Variants in PARVB observed in about 807,000 individuals in gnomAD.
PARVB encodes the protein parvin beta, also known as beta-parvin.
PARVB carries 46 observed loss-of-function variants against 47.0 expected under a neutral mutation model. That is an observed-to-expected ratio of 0.98 (90% CI 0.77 to 1.25). The LOEUF (loss-of-function observed/expected upper bound fraction) is 1.25, where lower values mean the gene tolerates loss of function less well. PARVB is among the 50% of genes most tolerant of loss of function. The probability of loss-of-function intolerance (pLI) is 0.00; values close to 1 mark genes in which losing one functional copy is unlikely to be tolerated. For missense variants in PARVB, 473 were observed against 471.6 expected, an observed-to-expected ratio of 1.00 and a Z score of -0.03; for synonymous variants, 196 against 196.3, an observed-to-expected ratio of 1.00 and a Z score of 0.01.
At chr22:44,033,649 A>G (rs2050863718) in intron 1 of PARVB, among the ~76,000 whole-genome samples, 1 of 152,184 alleles carries the variant, frequency 6.6e-6, no homozygotes. Context: ...TCAGTCGGTA[A>G]TGTTGGTTTC....
chr22:44,053,299 G>T (rs1489292593), intron 1 of PARVB, among the ~76,000 whole-genome samples: 1 of 152,062 alleles, frequency 6.6e-6, no homozygotes, highest in Non-Finnish European at 1.5e-5. Context: ...GGCCAGGATG[G>T]TCTCGAACTC....
intron 2 of PARVB, among the ~76,000 whole-genome samples, chr22:44,002,517 G>A (rs1313051058): frequency 2.6e-5 from 4 of 152,206 alleles, no homozygotes; most frequent in Non-Finnish European, 5.9e-5. Flanking sequence ...AGGGGGCAGT[G>A]GGTGTTGGTG....
At chr22:44,140,500 C>T (rs202027506) in intron 8 of PARVB, 31 of 597,598 alleles carry the variant, frequency 5.2e-5, no homozygotes, top group South Asian at 3.5e-4. Context: ...GCACATGGAG[C>T]GTCGTTAGCT....
chr22:44,058,984 G>T (rs1006249959), intron 1 of PARVB, among the ~76,000 whole-genome samples: 8 of 151,752 alleles, frequency 5.3e-5, no homozygotes, highest in Middle Eastern at 3.5e-3. Context: ...GTGTGATGGG[G>T]GGGGGAAACA....
At position 44,151,487 on chromosome 22, in the gene PARVB, T is replaced by C; in HGVS notation, c.779T>C (p.Leu260Pro). The change falls in exon 10 of 13, where the codon CTC becomes CCC. Residue 260 changes from leucine (L) to proline (P), a missense_variant. Physicochemically the swap from Leu to Pro is moderately conservative, Grantham distance 98. Coordinates refer to ENST00000338758, the MANE Select transcript of PARVB (RefSeq NM_013327.5). ...TGTCTCTTTTATTCTTGGCAGTCTCTCATCACTTTTGTGAACAAGCACCTG... is the reference window on the plus strand; with the variant it reads ...TGTCTCTTTTATTCTTGGCAGTCTCCCATCACTTTTGTGAACAAGCACCTG... ...PDKLSVVKKS[L>P]ITFVNKHLNK... The C allele has an allele frequency of 6.2e-7, 1 of 1,613,502 alleles. No homozygotes were observed. Among genetic ancestry groups the C allele is most frequent in the East Asian group, 2.2e-5 (1 of 44,874 alleles).
intron 10 of PARVB, chr22:44,153,531 A>G (rs934494717): frequency 1.3e-5 from 2 of 152,020 alleles, no homozygotes; most frequent in Non-Finnish European, 2.9e-5. Context: ...GGGTTTCACC[A>G]TGTTGGTCAG....
intron 3 of PARVB, chr22:44,114,778 T>G (rs2052825283): frequency 7.7e-6 from 1 of 129,784 alleles, no homozygotes. Context: ...CCAACACAGA[T>G]ACATTGTTAC....
intron 5 of PARVB, 105 bp from the exon 6 acceptor site, chr22:44,132,789 G>A (rs1482687574): frequency 7.2e-6 from 5 of 693,260 alleles, no homozygotes; most frequent in Admixed American, 2.4e-5. Context: ...TCCTTGTCTC[G>A]CTGGGGTCTC....
At chr22:44,076,935 C>A (rs1240832370) in intron 1 of PARVB, among the ~76,000 whole-genome samples, 1 of 152,120 alleles carries the variant, frequency 6.6e-6, no homozygotes, top group African/African-American at 2.4e-5. Flanking sequence ...CTGATACCAG[C>A]TTGGCTGGAA....
chr22:44,035,603 C>T (rs980734400), intron 1 of PARVB, among the ~76,000 whole-genome samples: 1 of 151,762 alleles, frequency 6.6e-6, no homozygotes, highest in Non-Finnish European at 1.5e-5. Context: ...GATCTCCTGA[C>T]CTTGTGATCC....
intron 1 of PARVB, among the ~76,000 whole-genome samples, chr22:44,073,384 C>T (rs1209170912): frequency 6.6e-6 from 1 of 152,174 alleles, no homozygotes; most frequent in Admixed American, 6.5e-5. Context: ...ATCCCAGCTA[C>T]TCTGGAAGCT....
intron 2 of PARVB, among the ~76,000 whole-genome samples, chr22:44,002,840 GAC>G (rs2050426679): frequency 6.6e-6 from 1 of 152,018 alleles, no homozygotes; most frequent in Admixed American, 6.6e-5. Flanking sequence ...GGTAATCACA[GAC>G]ACACACGTCT....
intron 9 of PARVB, chr22:44,149,885 GTGGCTC>G (rs2053765176): frequency 6.6e-6 from 1 of 152,266 alleles, no homozygotes; most frequent in Non-Finnish European, 1.5e-5. Flanking sequence ...GCTGGGCGCG[GTGGCTC>G]ACGCCTGTAA....
At chr22:44,122,552 GACACAGAGAC>G (rs1569134527) in intron 4 of PARVB, among the ~76,000 whole-genome samples, 5,835 of 70,716 alleles carry the variant, frequency 0.083, 743 homozygotes, top group African/African-American at 0.22. Flanking sequence ...GAGAGAGAGA[GACACAGAGAC>G]AGAGAGAGAG....
intron 10 of PARVB, 134 bp from the exon 11 acceptor site, chr22:44,157,848 G>T: frequency 1.6e-6 from 1 of 616,218 alleles, no homozygotes. Context: ...AGCCTTGATT[G>T]CATCAGTGCA....
chr22:44,148,108 A>C, intron 9 of PARVB, 186 bp downstream of exon 9: 1 of 611,986 alleles, frequency 1.6e-6, no homozygotes, highest in Non-Finnish European at 3.0e-6. Flanking sequence ...TTTTAACTCA[A>C]CCTCGCTGCT....
chr22:44,043,614 T>TG (rs2051061329), intron 1 of PARVB, among the ~76,000 whole-genome samples: 1 of 152,124 alleles, frequency 6.6e-6, no homozygotes. Context: ...CCTGACCCCG[T>TG]GATCCGTCTG....
chr22:44,028,202 C>T (rs1351046097), intron 1 of PARVB, among the ~76,000 whole-genome samples: 2 of 152,074 alleles, frequency 1.3e-5, no homozygotes, highest in Non-Finnish European at 2.9e-5. Context: ...GACATGGACC[C>T]ACCATTACAG....
chr22:44,159,591 T>C (rs2054008569), intron 11 of PARVB, among the ~76,000 whole-genome samples: 1 of 152,226 alleles, frequency 6.6e-6, no homozygotes, highest in African/African-American at 2.4e-5. Context: ...TGCGGGTGGC[T>C]GGAACACTCT....
Sources: gnomAD v4.1 joint callset for allele counts (sites outside exome capture counted in the v4.1 genomes callset) on GRCh38, gnomAD v4.1.1 for gene constraint, MANE v1.5 for transcripts, NCBI Gene and HGNC (gene_info 2026-07-23, HGNC 2026-07-21) for gene names.